DNAH3: variants seen among roughly 807,000 people sequenced by gnomAD.
DNAH3 encodes the protein axonemal beta dynein heavy chain 3.
Under a neutral mutation model 432.5 loss-of-function variants are expected in DNAH3, and 332 were observed. The observed-to-expected ratio is 0.77, with a 90% CI of 0.70 to 0.84. The LOEUF (loss-of-function observed/expected upper bound fraction) is 0.84, where lower values mean the gene tolerates loss of function less well. DNAH3 is among the 40% of genes least tolerant of loss of function. DNAH3 has a pLI of 0.00. For missense variants in DNAH3, 4,861 were observed against 5,114.0 expected, an observed-to-expected ratio of 0.95 and a Z score of 1.51; for synonymous variants, 1,956 against 1,900.2, an observed-to-expected ratio of 1.03 and a Z score of -0.76.
At chr16:21,058,257 C>T (rs1420498485) in intron 26 of DNAH3, 61 bp from the exon 27 acceptor site, 26 of 1,006,174 alleles carry the variant, frequency 2.6e-5, no homozygotes, top group Non-Finnish European at 3.4e-5. Context: ...ACTGAGTTTA[C>T]GAAAACATGC....
intron 31 of DNAH3, among the ~76,000 whole-genome samples, chr16:21,048,937 A>G (rs2152741604): frequency 6.7e-6 from 1 of 150,294 alleles, no homozygotes; most frequent in South Asian, 2.1e-4. Context: ...CAGATGATCC[A>G]CCTGCCTTGG....
At chr16:20,963,673 T>G (rs2084922897) in exon 53 of DNAH3, 5 of 1,614,032 alleles carry the variant, frequency 3.1e-6, no homozygotes, top group Non-Finnish European at 4.2e-6. Context: ...GTAGGGGTTA[T>G]CCAGTGCGAT....
chr16:20,985,109 G>C (rs766298044), exon 48 of DNAH3: 6 of 1,613,920 alleles, frequency 3.7e-6, no homozygotes, highest in Non-Finnish European at 5.1e-6. Flanking sequence ...ATAGAAAGAG[G>C]AGTGACTTCA....
At chr16:20,984,375 T>G (rs139177167) in intron 48 of DNAH3, among the ~76,000 whole-genome samples, 101 of 151,996 alleles carry the variant, frequency 6.6e-4, no homozygotes, top group Non-Finnish European at 1.2e-3. Context: ...GTGAAGGTGA[T>G]GGAGATGGAG....
rs777645330 is a variant in DNAH3 at position 21,111,720 on chromosome 16, T to C, written c.2005A>G (p.Thr669Ala). 8 of 1,614,102 alleles carry C rather than the reference T, an allele frequency of 5.0e-6. 1 individual carries two copies. The South Asian group carries it at 8.8e-5, about 18-fold the overall frequency. Residue 669 changes from threonine (T) to alanine (A), a missense_variant, in exon 14 of 62, where the codon ACG becomes GCG. Physicochemically the swap from Thr to Ala is moderately conservative, Grantham distance 58. Coordinates refer to ENST00000261383, the Ensembl canonical transcript of DNAH3. The stretch of plus-strand genomic sequence containing the variant: ...TCACAGAGATCATGATTTAGGGCCG[T>C]AGCATCAAGGCAGAACATGGCTAAA...
intron 56 of DNAH3, among the ~76,000 whole-genome samples, chr16:20,949,703 T>A (rs965786205): frequency 1.3e-5 from 2 of 152,220 alleles, no homozygotes; most frequent in African/African-American, 2.4e-5. Flanking sequence ...GAGCAAAGAC[T>A]CTTGCTAATT....
At chr16:21,154,174 C>A (rs1037931226) in intron 1 of DNAH3, among the ~76,000 whole-genome samples, 1 of 152,212 alleles carries the variant, frequency 6.6e-6, no homozygotes, top group African/African-American at 2.4e-5. Context: ...GAGGCCAAGG[C>A]GAGTGGATCG....
chr16:21,136,570 T>A, intron 5 of DNAH3, 57 bp from the exon 7 acceptor site: 1 of 1,524,786 alleles, frequency 6.6e-7, no homozygotes, highest in African/African-American at 1.4e-5. Flanking sequence ...TGGGTTCAAC[T>A]GTCCTGCCCA....
chr16:20,976,329 A>AT (rs1269433613), intron 50 of DNAH3, among the ~76,000 whole-genome samples: 2 of 152,034 alleles, frequency 1.3e-5, no homozygotes, highest in East Asian at 3.9e-4. Flanking sequence ...TGTGGCTGGG[A>AT]TTACAGGCAT....
In DNAH3 at chr16:20,979,372, G is replaced by GCGGTTCCT. The variant is rs1339443953; in HGVS notation, c.8026_8033dup (p.Tyr2679GlyfsTer5). 2 of 1,614,160 alleles carry GCGGTTCCT rather than the reference G, an allele frequency of 1.2e-6. No homozygotes were observed. The highest frequency in any genetic ancestry group is 1.7e-5 in the Admixed American group (1 of 60,006). On this transcript the variant is annotated frameshift_variant, in exon 50 of 62. Transcript: ENST00000261383. LOFTEE classifies it high-confidence loss of function. ...CGAGTTTCTGCAAGCCTGTCAGGTA[G>GCGGTTCCT]CGGTTCCTCATCATAGCCACCTCTT... is the stretch of plus-strand genomic sequence containing the variant.
rs770778787 is a variant in DNAH3, at chr16:21,127,680, T to A, written c.1208+7A>T. On this transcript the variant is annotated splice_region_variant and intron_variant, in intron 8 of 61. Transcript: ENST00000261383. Reference sequence around the variant, plus strand: ...GGTGCAGCCCCACTTGGAGGGCAGATACTGACTTGTTGAGAAGAGTCTGGT... The same window carrying A: ...GGTGCAGCCCCACTTGGAGGGCAGAAACTGACTTGTTGAGAAGAGTCTGGT... 6.2e-7 allele frequency: 1 copy of A among 1,613,954 alleles called. No individual in the cohort carries two copies. The highest frequency in any genetic ancestry group is 8.5e-7 in the Non-Finnish European group (1 of 1,179,916).
chr16:20,964,422 G>A, exon 53 of DNAH3: 1 of 1,614,172 alleles, frequency 6.2e-7, no homozygotes, highest in Middle Eastern at 1.6e-4. Context: ...CCAGCCTCAT[G>A]TACTCAACTC....
intron 59 of DNAH3, among the ~76,000 whole-genome samples, chr16:20,939,631 G>GCT (rs1384400305): frequency 7.0e-6 from 1 of 142,640 alleles, no homozygotes; most frequent in East Asian, 2.0e-4. Context: ...AAAAAAAAAA[G>GCT]TAACTTTAAA....
chr16:20,982,883 A>T (rs772734694), exon 49 of DNAH3: 1 of 1,613,790 alleles, frequency 6.2e-7, no homozygotes, highest in East Asian at 2.2e-5. Context: ...TATTGGACTC[A>T]TGGCTAATGA....
chr16:20,934,691 G>A (rs1000726762), intron 61 of DNAH3, among the ~76,000 whole-genome samples: 7 of 151,874 alleles, frequency 4.6e-5, no homozygotes, highest in Admixed American at 1.3e-4. Flanking sequence ...TAATCACTTC[G>A]GATTTCTAGG....
intron 3 of DNAH3, 40 bp downstream of exon 4, chr16:21,145,141 A>G: frequency 6.6e-7 from 1 of 1,509,816 alleles, no homozygotes; most frequent in East Asian, 2.4e-5. Context: ...AATTTCCTCC[A>G]AAGCCCCATT....
chr16:20,996,132 A>T (rs948787857), intron 44 of DNAH3, among the ~76,000 whole-genome samples: 9 of 152,330 alleles, frequency 5.9e-5, no homozygotes, highest in African/African-American at 2.2e-4. Context: ...ATTTGGGAAG[A>T]TCTGAAAACT....
At chr16:20,971,730 C>A (rs555931078) in intron 51 of DNAH3, among the ~76,000 whole-genome samples, 2 of 152,312 alleles carry the variant, frequency 1.3e-5, no homozygotes, top group South Asian at 4.1e-4. Context: ...CGCTGTTTGG[C>A]CTGACATTAC....
exon 52 of DNAH3, chr16:20,969,981 C>T (rs34223805): frequency 6.2e-7 from 1 of 1,613,954 alleles, no homozygotes; most frequent in South Asian, 1.1e-5. Context: ...AGGTCCCCCT[C>T]ACATTCGTTC....
Sources: gnomAD v4.1 joint callset for allele counts (sites outside exome capture counted in the v4.1 genomes callset) on GRCh38, gnomAD v4.1.1 for gene constraint, MANE v1.5 for transcripts, NCBI Gene and HGNC (gene_info 2026-07-23, HGNC 2026-07-21) for gene names.